The following PPP1R12C variants were observed in gnomAD, a reference collection of about 807,000 sequenced individuals.
PPP1R12C encodes the protein leukocyte receptor cluster (LRC) encoded novel gene 3.
A neutral mutation model predicts 95.6 loss-of-function variants in PPP1R12C; 48 were observed. That is an observed-to-expected ratio of 0.50 (90% CI 0.40 to 0.64). PPP1R12C has a LOEUF of 0.64. Ranked by LOEUF, PPP1R12C falls within the 30% of genes least tolerant of loss-of-function variation. The pLI, the probability that PPP1R12C is intolerant of heterozygous loss-of-function variation, is 0.00. For missense variants in PPP1R12C, 1,057 were observed against 1,083.3 expected (o/e 0.98, Z 0.34); for synonymous variants, 480 against 460.8 (o/e 1.04, Z -0.53).
At chr19:55,104,179 A>AAGT (rs34744793) in intron 3 of PPP1R12C, among the ~76,000 whole-genome samples, 1 of 104,368 alleles carries the variant, frequency 9.6e-6, no homozygotes, top group South Asian at 3.5e-4. Context: ...AAAAAAAAAA[A>AAGT]GTATATATAT....
intron 1 of PPP1R12C, 80 bp from the exon 2 acceptor site, chr19:55,112,875 G>T (rs750077531): frequency 6.4e-7 from 1 of 1,570,044 alleles, no homozygotes; most frequent in Non-Finnish European, 8.7e-7. Context: ...AGGGAGCCAC[G>T]AAAACAGATC....
At chr19:55,117,180 G>A (rs1049305840) in intron 1 of PPP1R12C, 43 bp downstream of exon 1, 2 of 1,214,334 alleles carry the variant, frequency 1.6e-6, no homozygotes, top group Non-Finnish European at 2.1e-6. Flanking sequence ...GCGCAGCAGA[G>A]GGTGGACCTG....
chr19:55,117,253 G>A lies in PPP1R12C; in HGVS notation c.291C>T (p.Thr97=). Residue 97 remains threonine, a synonymous_variant, in exon 1 of 22, where the codon ACC becomes ACT. Coordinates refer to ENST00000263433, the MANE Select transcript of PPP1R12C (RefSeq NM_017607.4). ...GCAGGGCGCTGATACCGTCGGCGTT[G>A]GTGGAGTCCAGCACGGCGCGGGCGG... ...PPPARAVLDS[T]NADGISALHQ... 8.1e-7 allele frequency: 1 copy of A among 1,227,652 alleles called. No individual in the cohort carries two copies. The highest frequency in any genetic ancestry group is 1.0e-6 in the Non-Finnish European group (1 of 986,166). 76.0% of individuals were successfully genotyped at this position (1,227,652 alleles called of 1,614,324 possible).
intron 1 of PPP1R12C, chr19:55,113,649 T>A: frequency 3.3e-6 from 4 of 1,226,336 alleles, no homozygotes; most frequent in Non-Finnish European, 4.1e-6. Flanking sequence ...ACGGGATAAA[T>A]TACCCCCCAA....
At position 55,094,648 on chromosome 19, in the gene PPP1R12C, C is replaced by G; in HGVS notation, c.1592+13G>C. On this transcript the variant is annotated intron_variant, in intron 12 of 21. Coordinates refer to ENST00000263433, the MANE Select transcript of PPP1R12C (RefSeq NM_017607.4). Reference sequence around the variant, plus strand: ...GGGGCGGGGGCGGCAGCTTCCTGCCCTGGCCTCTTCACCTCCGTCGGTCCC... The same window carrying G: ...GGGGCGGGGGCGGCAGCTTCCTGCCGTGGCCTCTTCACCTCCGTCGGTCCC... The G allele has an allele frequency of 1.3e-6, 2 of 1,575,714 alleles. No individual in the cohort carries two copies. The highest frequency in any genetic ancestry group is 1.2e-5 in the South Asian group (1 of 85,474).
At chr19:55,112,622 C>G in intron 2 of PPP1R12C, 37 bp from the exon 3 acceptor site, 1 of 1,612,454 alleles carries the variant, frequency 6.2e-7, no homozygotes, top group Non-Finnish European at 8.5e-7. Context: ...AGGGTCCAGG[C>G]CCCCACCCCG....
At chr19:55,106,926 GT>G (rs2147202954) in intron 3 of PPP1R12C, among the ~76,000 whole-genome samples, 1 of 152,304 alleles carries the variant, frequency 6.6e-6, no homozygotes, top group South Asian at 2.1e-4. Context: ...GAGGTGCTGT[GT>G]TTTGGCTGTG....
rs1240397829 is a variant in PPP1R12C at position 55,099,106 on chromosome 19, G to C, written c.732-11C>G. 1.3e-6 allele frequency: 2 copies of C among 1,519,706 alleles called. No homozygotes were observed. The highest frequency in any genetic ancestry group is 8.8e-7 in the Non-Finnish European group (1 of 1,131,382). The allele number at this position is 1,519,706 out of a possible 1,614,324, so 94.1% of individuals were successfully genotyped here. ...GCCTGAAGGAGCAACCTGGGGGCCA[G>C]GGAGGCTCAGGGTCAGAGGCCAAGG... On this transcript the variant is annotated splice_polypyrimidine_tract_variant and intron_variant, in intron 4 of 21. Transcript: ENST00000263433.
chr19:55,092,053 C>T (rs893315619), intron 19 of PPP1R12C, 144 bp from the exon 20 acceptor site: 15 of 1,179,606 alleles, frequency 1.3e-5, no homozygotes, highest in African/African-American at 3.0e-5. Context: ...CACCGGCAGG[C>T]CCACAGCCCC....
chr19:55,099,250 C>G (rs2084955999), intron 4 of PPP1R12C, among the ~76,000 whole-genome samples, 155 bp from the exon 5 acceptor site: 2 of 152,148 alleles, frequency 1.3e-5, no homozygotes, highest in African/African-American at 4.8e-5. Flanking sequence ...TCCGCTGCCA[C>G]AAGAGGCCCC....
Position 55,117,255 on chromosome 19 carries a change from T to A in PPP1R12C, c.289A>T (p.Thr97Ser). 8.2e-7 allele frequency: 1 copy of A among 1,226,988 alleles called. No homozygotes were observed. The highest frequency in any genetic ancestry group is 1.0e-6 in the Non-Finnish European group (1 of 986,046). The allele number at this position is 1,226,988 out of a possible 1,614,324, so 76.0% of individuals were successfully genotyped here. The change falls in exon 1 of 22, where the codon ACC (threonine) becomes TCC (serine). Residue 97 changes from threonine to serine, a missense_variant. Thr to Ser is a moderately conservative substitution (Grantham distance 58). Coordinates refer to ENST00000263433, the MANE Select transcript of PPP1R12C (RefSeq NM_017607.4). ...PPPARAVLDSTNADGISALHQ... is the reference protein window; with the variant it reads ...PPPARAVLDSSNADGISALHQ... ...AGGGCGCTGATACCGTCGGCGTTGG[T>A]GGAGTCCAGCACGGCGCGGGCGGGC...
intron 6 of PPP1R12C, among the ~76,000 whole-genome samples, chr19:55,098,287 G>A (rs1273789755): frequency 6.6e-6 from 1 of 152,238 alleles, no homozygotes; most frequent in Non-Finnish European, 1.5e-5. Context: ...GGAAAGGAAA[G>A]TGGCTGGCTG....
intron 1 of PPP1R12C, 110 bp downstream of exon 1, chr19:55,117,113 G>GCCAGGAAC: frequency 1.0e-6 from 1 of 982,196 alleles, no homozygotes; most frequent in Non-Finnish European, 1.3e-6. Flanking sequence ...AAAGCCCAGG[G>GCCAGGAAC]CCAGGAACGA....
Position 55,103,391 on chromosome 19 carries a change from C to G in PPP1R12C, c.731+18G>C, listed in dbSNP as rs139604961. ...GAAGGTATAAGACAGCAAGATGGAA[C>G]AGACTGGCCCAACTCACCTCATCAC... On this transcript the variant is annotated intron_variant, in intron 4 of 21. Transcript: ENST00000263433. 5 of 1,455,484 alleles carry G rather than the reference C, an allele frequency of 3.4e-6. No homozygotes were observed. In the Admixed American group the frequency reaches 9.6e-5, roughly 28 times the overall value. The allele number at this position is 1,455,484 out of a possible 1,614,324, so 90.2% of individuals were successfully genotyped here.
In PPP1R12C at chr19:55,091,690, G is replaced by A. The variant is rs1375309664; in HGVS notation, c.2222C>T (p.Ala741Val). Residue 741 changes from alanine to valine, a missense_variant, in exon 21 of 22, where the codon GCC becomes GTC. Around this residue, in one of 5 missense-constraint regions of PPP1R12C, gnomAD observed 347 missense variants for 307.9 expected, o/e 1.13. Coordinates refer to ENST00000263433, the MANE Select transcript of PPP1R12C (RefSeq NM_017607.4). ...CAGCTCTGCGGCCTTGCGTTCCAGG[G>A]CCCTGCGCTCCTGGAATGAACAGGG... Reference protein sequence around the residue: ...LLELERFERRALERKAAELEE... With the variant: ...LLELERFERRVLERKAAELEE... 3.1e-6 allele frequency: 5 copies of A among 1,613,442 alleles called. No individual in the cohort carries two copies. The highest frequency in any genetic ancestry group is 2.2e-5 in the East Asian group (1 of 44,822).
At position 55,095,328 on chromosome 19, in the gene PPP1R12C, G is replaced by T; in HGVS notation, c.1417C>A (p.Pro473Thr). The T allele has an allele frequency of 6.3e-7, 1 of 1,591,216 alleles. No homozygotes were observed. The highest frequency in any genetic ancestry group is 8.6e-7 in the Non-Finnish European group (1 of 1,169,132). Reference protein sequence around the residue: ...AKELRLARITPTPSPKLPEPS... With the variant: ...AKELRLARITTTPSPKLPEPS... ...TCCGGCAGCTTCGGGGAGGGGGTCGGGGTAATTCTGGCAAGACGGAGCTCC... is the reference window on the plus strand; with the variant it reads ...TCCGGCAGCTTCGGGGAGGGGGTCGTGGTAATTCTGGCAAGACGGAGCTCC... The change falls in exon 11 of 22, where the codon CCG (proline) becomes ACG (threonine). Residue 473 changes from proline to threonine, a missense_variant. This residue lies in a region of PPP1R12C where 356 missense variants were observed against 330.5 expected (regional missense o/e 1.08). Coordinates refer to ENST00000263433, the MANE Select transcript of PPP1R12C (RefSeq NM_017607.4).
intron 1 of PPP1R12C, 148 bp from the exon 2 acceptor site, chr19:55,112,943 T>A: frequency 8.6e-7 from 1 of 1,157,096 alleles, no homozygotes; most frequent in Non-Finnish European, 1.2e-6. Context: ...GGCCACTGGC[T>A]GTTTAAGATA....
chr19:55,110,277 C>A (rs537482087), intron 3 of PPP1R12C, among the ~76,000 whole-genome samples: 1 of 152,034 alleles, frequency 6.6e-6, no homozygotes. Flanking sequence ...AACAGTGTAG[C>A]ATCAAGGTTG....
intron 1 of PPP1R12C, among the ~76,000 whole-genome samples, chr19:55,116,085 A>C (rs2085150556): frequency 6.6e-6 from 1 of 152,154 alleles, no homozygotes; most frequent in Non-Finnish European, 1.5e-5. Context: ...CAGGCAAAGA[A>C]AGCAAGAGGA....
Sources: allele counts gnomAD v4.1 joint callset (sites outside exome capture counted in the v4.1 genomes callset), GRCh38; gene constraint gnomAD v4.1.1; regional missense constraint gnomAD v4.1.1; transcripts MANE v1.5; gene names NCBI Gene and HGNC (gene_info 2026-07-23, HGNC 2026-07-21).